Variants in RAMP1 observed in about 807,000 individuals in gnomAD.
RAMP1 encodes receptor activity modifying protein 1, also known as receptor activity-modifying protein 1.
In RAMP1, 7 loss-of-function variants were observed where a neutral mutation model predicts 8.2. That is an observed-to-expected ratio of 0.85 (90% CI 0.49 to 1.60). The LOEUF (loss-of-function observed/expected upper bound fraction) is 1.60. Among genes scored for constraint, RAMP1 ranks in the 40% most tolerant of loss-of-function variants. The probability of loss-of-function intolerance (pLI) is 0.00; values close to 1 mark genes in which losing one functional copy is unlikely to be tolerated. For synonymous variants in RAMP1, 92 were observed against 84.7 expected (o/e 1.09, Z -0.47); for missense variants, 192 against 202.4 (o/e 0.95, Z 0.31).
At position 237,911,766 on chromosome 2, in the gene RAMP1, A is replaced by T. The variant is rs142757790; in HGVS notation, c.430A>T (p.Thr144Ser). ...ACTGGTGGTCTGGCAGAGCAAGCGC[A>T]CTGAGGGCATTGTGTAGGCGGGGCC... is the stretch of plus-strand genomic sequence containing the variant. Reference protein sequence around the residue: ...TALVVWQSKRTEGIV With the variant: ...TALVVWQSKRSEGIV Residue 144 changes from threonine to serine, a missense_variant, in exon 3 of 3, where the codon ACT (threonine) becomes TCT (serine). By Grantham distance (58) the Thr-to-Ser change is moderately conservative. Transcript: ENST00000254661. 159 of 1,609,846 alleles carry T rather than the reference A, an allele frequency of 9.9e-5. No individual in the cohort carries two copies. In the African/African-American group the frequency reaches 1.9e-3, roughly 19 times the overall value.
intron 1 of RAMP1, among the ~76,000 whole-genome samples, chr2:237,866,094 G>A (rs888512446): frequency 8.6e-5 from 13 of 151,860 alleles, no homozygotes; most frequent in African/African-American, 3.1e-4. Flanking sequence ...AACTGGTCAG[G>A]GAGGATTACA....
At chr2:237,859,834 G>A in intron 1 of RAMP1, 107 bp downstream of exon 1, 1 of 1,035,142 alleles carries the variant, frequency 9.7e-7, no homozygotes, top group South Asian at 2.6e-5. Context: ...GGGTGGGGGC[G>A]GGCGCCGCGG....
At chr2:237,894,251 G>A (rs1009107251) in intron 2 of RAMP1, among the ~76,000 whole-genome samples, 9 of 152,124 alleles carry the variant, frequency 5.9e-5, no homozygotes, top group East Asian at 5.8e-4. Flanking sequence ...GATTACAGGC[G>A]TGAGCCACTT....
chr2:237,902,303 G>C (rs573298175), intron 2 of RAMP1, among the ~76,000 whole-genome samples: 2 of 147,054 alleles, frequency 1.4e-5, no homozygotes, highest in South Asian at 2.2e-4. Context: ...GGAGGAGGAG[G>C]AGGGGCTGGG....
At chr2:237,866,022 A>G (rs1409110225) in intron 1 of RAMP1, among the ~76,000 whole-genome samples, 2 of 152,186 alleles carry the variant, frequency 1.3e-5, no homozygotes, top group African/African-American at 4.8e-5. Context: ...TTAATTTCCT[A>G]GCAATTTTTA....
At chr2:237,869,483 T>C (rs1349256957) in intron 1 of RAMP1, among the ~76,000 whole-genome samples, 3 of 152,202 alleles carry the variant, frequency 2.0e-5, no homozygotes, top group African/African-American at 7.2e-5. Context: ...GACCCACGAT[T>C]CTACTTTCTG....
At chr2:237,879,561 ACATGTGCCATATTGGTGTGCTGCACC>A (rs1288289337) in intron 2 of RAMP1, among the ~76,000 whole-genome samples, 1 of 140,506 alleles carries the variant, frequency 7.1e-6, no homozygotes, top group Non-Finnish European at 1.6e-5. Context: ...ACGTATGTAT[ACATGTGCCATATTGGTGTGCTGCACC>A]CATTAACTCG....
intron 1 of RAMP1, 64 bp downstream of exon 1, chr2:237,859,791 A>T (rs1029779258): frequency 2.0e-4 from 203 of 1,032,062 alleles, no homozygotes; most frequent in Middle Eastern, 3.6e-4. Context: ...CCTCTAGGGG[A>T]GAGGAGGGGA....
At chr2:237,881,513 G>A (rs866145325) in intron 2 of RAMP1, among the ~76,000 whole-genome samples, 62 of 152,234 alleles carry the variant, frequency 4.1e-4, no homozygotes, top group African/African-American at 1.2e-3. Flanking sequence ...CCTCCAGAAG[G>A]CTGATGCCAG....
At chr2:237,864,433 GCT>G (rs2062165244) in intron 1 of RAMP1, among the ~76,000 whole-genome samples, 1 of 152,234 alleles carries the variant, frequency 6.6e-6, no homozygotes, top group Non-Finnish European at 1.5e-5. Flanking sequence ...ACCCGGGGTG[GCT>G]CTCTCTGCAG....
At chr2:237,874,045 C>G (rs2062273577) in intron 1 of RAMP1, among the ~76,000 whole-genome samples, 1 of 152,176 alleles carries the variant, frequency 6.6e-6, no homozygotes, top group South Asian at 2.1e-4. Flanking sequence ...GGCAGAATGG[C>G]TCTAAGAGAG....
chr2:237,879,362 C>A (rs1355518788), intron 2 of RAMP1, among the ~76,000 whole-genome samples: 1 of 151,940 alleles, frequency 6.6e-6, no homozygotes, highest in Non-Finnish European at 1.5e-5. Context: ...AGATGGCTTC[C>A]TGCAGTGCCA....
intron 2 of RAMP1, among the ~76,000 whole-genome samples, chr2:237,888,921 G>A (rs2062462471): frequency 6.6e-6 from 1 of 151,928 alleles, no homozygotes; most frequent in African/African-American, 2.4e-5. Context: ...ACAGGCACCC[G>A]CCACCACGCC....
intron 2 of RAMP1, among the ~76,000 whole-genome samples, chr2:237,892,837 T>C (rs2062500078): frequency 6.6e-6 from 1 of 152,146 alleles, no homozygotes; most frequent in Non-Finnish European, 1.5e-5. Flanking sequence ...TACTTTTTCC[T>C]TTCTGTCTTC....
intron 2 of RAMP1, among the ~76,000 whole-genome samples, chr2:237,881,420 T>C (rs933326748): frequency 6.6e-6 from 1 of 152,248 alleles, no homozygotes; most frequent in Non-Finnish European, 1.5e-5. Context: ...GCACTGGAGC[T>C]GACTCTTCAG....
At chr2:237,859,389 CGGA>C (rs1212342506), upstream of RAMP1, among the ~76,000 whole-genome samples, 34 of 152,218 alleles carry the variant, frequency 2.2e-4, no homozygotes, top group Non-Finnish European at 2.1e-4. Flanking sequence ...TTTATTTGCT[CGGA>C]GAACATTTCA....
intron 1 of RAMP1, among the ~76,000 whole-genome samples, chr2:237,876,956 A>G (rs73090696): frequency 0.057 from 8,608 of 152,136 alleles, 470 homozygotes; most frequent in African/African-American, 0.15. Context: ...GGGCAGCCCG[A>G]TGGCATAATT....
chr2:237,886,123 G>T (rs1297703461), intron 2 of RAMP1, among the ~76,000 whole-genome samples: 1 of 152,180 alleles, frequency 6.6e-6, no homozygotes, highest in African/African-American at 2.4e-5. Flanking sequence ...GGGGTGCCGG[G>T]TCCCCATGGG....
intron 2 of RAMP1, among the ~76,000 whole-genome samples, chr2:237,886,061 C>A (rs909211866): frequency 6.6e-6 from 1 of 152,188 alleles, no homozygotes; most frequent in African/African-American, 2.4e-5. Flanking sequence ...GCAGTGACAC[C>A]AGTCTGGCTC....
Sources: gnomAD v4.1 joint callset for allele counts (sites outside exome capture counted in the v4.1 genomes callset) on GRCh38, gnomAD v4.1.1 for gene constraint, MANE v1.5 for transcripts, NCBI Gene and HGNC (gene_info 2026-07-23, HGNC 2026-07-21) for gene names.